Variants in YAE1 observed in about 807,000 individuals in gnomAD.
YAE1 encodes YAE1 maturation factor of ABCE1.
YAE1 carries 22 observed loss-of-function variants against 23.0 expected under a neutral mutation model. The ratio of observed to expected loss-of-function variants is 0.96; its 90% CI spans 0.68 to 1.37. The LOEUF (loss-of-function observed/expected upper bound fraction) is 1.37, where lower values mean the gene tolerates loss of function less well. Among genes scored for constraint, YAE1 ranks in the 40% most tolerant of loss-of-function variants. The probability of loss-of-function intolerance (pLI) is 0.00; values close to 1 mark genes in which losing one functional copy is unlikely to be tolerated. For synonymous variants in YAE1, 101 were observed against 97.0 expected (o/e 1.04, Z -0.24); for missense variants, 260 against 262.1 (o/e 0.99, Z 0.06).
At chr7:39,570,321 T>C in intron 1 of YAE1, 185 bp from the exon 2 acceptor site, 1 of 730,036 alleles carries the variant, frequency 1.4e-6, no homozygotes, top group African/African-American at 1.8e-5. Flanking sequence ...GGATAAGTAA[T>C]GATAAACCAA....
At chr7:39,580,660 C>T (rs1790728685) in intron 2 of YAE1, among the ~76,000 whole-genome samples, 1 of 152,150 alleles carries the variant, frequency 6.6e-6, no homozygotes, top group African/African-American at 2.4e-5. Context: ...GTGCCCTTTG[C>T]TTAGACCTCA....
intron 2 of YAE1, 54 bp from the exon 3 acceptor site, chr7:39,572,222 CT>C (rs1790579302): frequency 1.3e-6 from 2 of 1,496,822 alleles, no homozygotes; most frequent in South Asian, 2.8e-5. Flanking sequence ...GAAAGATAGT[CT>C]TATATTTTTA....
In YAE1 at chr7:39,596,532, C is replaced by T. The variant is rs372534435; in HGVS notation, c.252-13085C>T. 4.6e-5 allele frequency among the ~76,000 whole-genome samples: 7 copies of T among 152,246 alleles called. No homozygotes were observed. The East Asian group carries it at 5.8e-4, about 13-fold the overall frequency. On this transcript the variant is annotated intron_variant, in intron 2 of 2. Coordinates refer to the YAE1 transcript ENST00000432096. ...GATTACAGGCATGAGCCACCATGCCCGGCTTTAAGTCACTTCCAATAATAA... is the reference window on the plus strand; with the variant it reads ...GATTACAGGCATGAGCCACCATGCCTGGCTTTAAGTCACTTCCAATAATAA...
chr7:39,600,694 G>A (rs1365211627), intron 2 of YAE1, among the ~76,000 whole-genome samples: 1 of 152,142 alleles, frequency 6.6e-6, no homozygotes, highest in African/African-American at 2.4e-5. Flanking sequence ...ACCGCCCCTG[G>A]CCTGCTGTTT....
intron 1 of YAE1, chr7:39,569,984 C>T (rs1790539363): frequency 7.3e-7 from 1 of 1,362,686 alleles, no homozygotes; most frequent in South Asian, 1.2e-5. Flanking sequence ...ATCTTCTCCC[C>T]ATTCAGCAAA....
chr7:39,578,430 A>G (rs1790690150), intron 2 of YAE1, among the ~76,000 whole-genome samples: 1 of 152,206 alleles, frequency 6.6e-6, no homozygotes, highest in South Asian at 2.1e-4. Context: ...ATGTTGTGGA[A>G]GCTTTGTTCT....
chr7:39,578,446 T>A (rs117466086), intron 2 of YAE1, among the ~76,000 whole-genome samples: 7,340 of 152,320 alleles, frequency 0.048, 240 homozygotes, highest in South Asian at 0.096. Flanking sequence ...GTTCTTTTGC[T>A]GTTTGCAATA....
intron 2 of YAE1, among the ~76,000 whole-genome samples, chr7:39,598,342 T>C (rs1442772023): frequency 1.3e-5 from 2 of 151,348 alleles, no homozygotes; most frequent in Non-Finnish European, 2.9e-5. Context: ...ACTCCCGACC[T>C]CAAGTGATCC....
Position 39,566,518 on chromosome 7 carries a change from T to A in YAE1, c.100T>A (p.Trp34Arg). Residue 34 changes from tryptophan (W) to arginine (R), a missense_variant, in exon 1 of 3, where the codon TGG becomes AGG. Physicochemically the swap from Trp to Arg is moderately radical, Grantham distance 101 (BLOSUM62 -3). Coordinates refer to ENST00000223273, the MANE Select transcript of YAE1 (RefSeq NM_020192.5). ...CGAGTCGCTCCTGGCGCAGCGGGAA[T>A]GGCAGAGTAACATGCAAAGACGAGT... ...ADESLLAQREWQSNMQRRVKE... is the reference protein window; with the variant it reads ...ADESLLAQRERQSNMQRRVKE... The A allele has an allele frequency of 6.2e-7, 1 of 1,614,106 alleles. No individual in the cohort carries two copies. Among genetic ancestry groups the A allele is most frequent in the Non-Finnish European group, 8.5e-7 (1 of 1,179,988 alleles).
intron 2 of YAE1, among the ~76,000 whole-genome samples, chr7:39,606,353 T>C (rs1353666778): frequency 6.6e-6 from 1 of 152,204 alleles, no homozygotes; most frequent in Non-Finnish European, 1.5e-5. Context: ...ATTTAGCAAA[T>C]AGAAGAATGC....
Position 39,584,469 on chromosome 7 carries a change from G to A in YAE1, c.251+13842G>A, listed in dbSNP as rs1790785009. 3.3e-5 allele frequency among the ~76,000 whole-genome samples: 5 copies of A among 152,104 alleles called. No individual in the cohort carries two copies. In the South Asian group the frequency reaches 1.0e-3, roughly 32 times the overall value. On this transcript the variant is annotated intron_variant, in intron 2 of 2. Transcript: ENST00000432096. ...GAAAAATCTGTTTATAAGTATCAAA[G>A]CCTGTAATTAACTATATTTTAAATG...
chr7:39,596,256 G>A (rs897006812), intron 2 of YAE1, among the ~76,000 whole-genome samples: 1 of 152,026 alleles, frequency 6.6e-6, no homozygotes, highest in Non-Finnish European at 1.5e-5. Context: ...GCGCAATGGC[G>A]TGATCTCGGC....
intron 2 of YAE1, among the ~76,000 whole-genome samples, chr7:39,583,922 A>G (rs1790779230): frequency 6.6e-6 from 1 of 152,224 alleles, no homozygotes. Flanking sequence ...ACTGCCTGCT[A>G]CATGTTCACA....
chr7:39,588,821 G>GTT (rs5883698), intron 2 of YAE1, among the ~76,000 whole-genome samples: 109 of 149,598 alleles, frequency 7.3e-4, no homozygotes, highest in East Asian at 6.7e-3. Flanking sequence ...ATAATTTTAG[G>GTT]TTTTTTTTTT....
chr7:39,570,514 T>C lies in YAE1; in HGVS notation c.138T>C (p.Tyr46=), dbSNP rs767389921. The C allele has an allele frequency of 1.9e-6, 3 of 1,610,554 alleles. No individual in the cohort carries two copies. Among genetic ancestry groups the C allele is most frequent in the East Asian group, 4.5e-5 (2 of 44,854 alleles). ...SNMQRRVKEG[Y]RDGIDAGKAV... is the part of the protein sequence containing the mutation. The stretch of plus-strand genomic sequence containing the variant: ...CCATTACTTATTTTTAGGAAGGTTA[T>C]AGAGATGGAATAGATGCTGGCAAAG... The change falls in exon 2 of 3, where the codon TAT becomes TAC. Residue 46 remains tyrosine (Y), a synonymous_variant. Transcript: ENST00000223273.
chr7:39,599,664 A>G (rs552826334), intron 2 of YAE1, among the ~76,000 whole-genome samples: 1 of 151,848 alleles, frequency 6.6e-6, no homozygotes, highest in South Asian at 2.1e-4. Context: ...GTTAGTAGAG[A>G]CCAGTAGACA....
At chr7:39,584,478 T>C (rs1157637373) in intron 2 of YAE1, among the ~76,000 whole-genome samples, 1 of 152,026 alleles carries the variant, frequency 6.6e-6, no homozygotes, top group Admixed American at 6.6e-5. Context: ...AGCCTGTAAT[T>C]AACTATATTT....
intron 2 of YAE1, among the ~76,000 whole-genome samples, chr7:39,606,642 G>T (rs1791133748): frequency 6.6e-6 from 1 of 152,118 alleles, no homozygotes; most frequent in Admixed American, 6.5e-5. Context: ...AAAAGGGTGT[G>T]CCCACAATTC....
chr7:39,580,452 A>G (rs1018074948), intron 2 of YAE1, among the ~76,000 whole-genome samples: 2 of 152,254 alleles, frequency 1.3e-5, no homozygotes, highest in African/African-American at 4.8e-5. Context: ...TCAAAGTACT[A>G]ATCAGAACTA....
Sources: gnomAD v4.1 joint callset for allele counts (sites outside exome capture counted in the v4.1 genomes callset) on GRCh38, gnomAD v4.1.1 for gene constraint, MANE v1.5 for transcripts, NCBI Gene and HGNC (gene_info 2026-07-23, HGNC 2026-07-21) for gene names.